The following SYT17 variants were observed in gnomAD, a reference collection of about 807,000 sequenced individuals.
SYT17 encodes the protein synaptotagmin-17.
Under a neutral mutation model 46.7 loss-of-function variants are expected in SYT17, and 22 were observed. The observed-to-expected ratio is 0.47, with a 90% CI of 0.34 to 0.67. The LOEUF (loss-of-function observed/expected upper bound fraction) is 0.67. Among genes scored for constraint, SYT17 ranks in the 30% least tolerant of loss-of-function variants. The pLI, the probability that SYT17 is intolerant of heterozygous loss-of-function variation, is 0.01. For synonymous variants in SYT17, 251 were observed against 248.4 expected, an observed-to-expected ratio of 1.01 and a Z score of -0.10; for missense variants, 519 against 612.8, an observed-to-expected ratio of 0.85 and a Z score of 1.62.
At chr16:19,224,955 C>T in intron 7 of SYT17, 117 bp downstream of exon 7, 4 of 1,206,098 alleles carry the variant, frequency 3.3e-6, no homozygotes, top group East Asian at 2.4e-5. Flanking sequence ...TGGCATTCAA[C>T]TACCTGGGTT....
At chr16:19,262,761 G>A (rs1296499209) in intron 7 of SYT17, among the ~76,000 whole-genome samples, 1 of 152,192 alleles carries the variant, frequency 6.6e-6, no homozygotes, top group Non-Finnish European at 1.5e-5. Context: ...GCTTGCAGAG[G>A]TCCAGCTAAT....
At chr16:19,222,805 G>A (rs552424827) in intron 5 of SYT17, among the ~76,000 whole-genome samples, 25 of 152,274 alleles carry the variant, frequency 1.6e-4, no homozygotes, top group African/African-American at 5.8e-4. Context: ...AAAAATTATT[G>A]CTGCTTTTGT....
intron 5 of SYT17, among the ~76,000 whole-genome samples, chr16:19,190,577 C>T (rs1964971441): frequency 6.6e-6 from 1 of 152,172 alleles, no homozygotes; most frequent in Non-Finnish European, 1.5e-5. Context: ...CTCCCTCTCC[C>T]CGCAGCCCCT....
intron 5 of SYT17, among the ~76,000 whole-genome samples, chr16:19,209,021 C>A (rs539753761): frequency 6.6e-6 from 1 of 151,298 alleles, no homozygotes; most frequent in East Asian, 1.9e-4. Context: ...ACACCCACCA[C>A]CACACCTGCC....
intron 5 of SYT17, among the ~76,000 whole-genome samples, chr16:19,215,904 A>G (rs1966078650): frequency 6.6e-6 from 1 of 152,170 alleles, no homozygotes; most frequent in African/African-American, 2.4e-5. Flanking sequence ...TCTTACATGG[A>G]TGGCAGCAGG....
chr16:19,250,525 A>G (rs1289254299), intron 7 of SYT17, among the ~76,000 whole-genome samples: 1 of 151,722 alleles, frequency 6.6e-6, no homozygotes, highest in Non-Finnish European at 1.5e-5. Flanking sequence ...CTCCAGGGGC[A>G]CCCCACTACA....
At chr16:19,173,106 G>A (rs1964167151) in intron 2 of SYT17, 1 of 551,044 alleles carries the variant, frequency 1.8e-6, no homozygotes, top group Non-Finnish European at 3.2e-6. Context: ...ATATCGTATA[G>A]CCCTTATGAT....
chr16:19,223,439 G>A (rs1334696480), intron 6 of SYT17, among the ~76,000 whole-genome samples: 2 of 152,192 alleles, frequency 1.3e-5, no homozygotes, highest in African/African-American at 4.8e-5. Flanking sequence ...CCTGCAGGTG[G>A]CGATAGTGTG....
At chr16:19,182,306 T>C (rs4780781) in intron 4 of SYT17, among the ~76,000 whole-genome samples, 20,189 of 151,658 alleles carry the variant, frequency 0.13, 1,711 homozygotes, top group East Asian at 0.21. Context: ...TCCCAGCTAC[T>C]TGAGAGGCTG....
intron 5 of SYT17, among the ~76,000 whole-genome samples, chr16:19,207,998 CA>C (rs1965738797): frequency 6.6e-6 from 1 of 152,082 alleles, no homozygotes; most frequent in Admixed American, 6.6e-5. Flanking sequence ...GATGAATGGC[CA>C]AACTTTAAGT....
chr16:19,181,308 G>T (rs556103478), intron 4 of SYT17, among the ~76,000 whole-genome samples: 4 of 152,298 alleles, frequency 2.6e-5, no homozygotes, highest in African/African-American at 9.6e-5. Flanking sequence ...AACACCCAGA[G>T]GCTCCCAACC....
At chr16:19,221,565 T>C (rs2142861362) in intron 5 of SYT17, among the ~76,000 whole-genome samples, 2 of 152,332 alleles carry the variant, frequency 1.3e-5, no homozygotes, top group Middle Eastern at 6.8e-3. Flanking sequence ...GTTTCTTGTT[T>C]GTTTGGGGAC....
At chr16:19,170,091 T>TC (rs1490522546) in intron 1 of SYT17, 3 of 152,192 alleles carry the variant, frequency 2.0e-5, no homozygotes, top group Admixed American at 6.5e-5. Context: ...TAGAACAAGG[T>TC]GTTAAACTTT....
intron 3 of SYT17, among the ~76,000 whole-genome samples, chr16:19,179,304 T>C (rs192231994): frequency 6.6e-6 from 1 of 152,080 alleles, no homozygotes; most frequent in Admixed American, 6.5e-5. Flanking sequence ...ATTTAAAAAA[T>C]TTTTTTGTAG....
chr16:19,222,981 G>A (rs893387845), intron 5 of SYT17, 64 bp from the exon 6 acceptor site: 1 of 1,597,206 alleles, frequency 6.3e-7, no homozygotes, highest in African/African-American at 1.3e-5. Context: ...TCAATTTCTT[G>A]TATGGTGGGT....
intron 4 of SYT17, among the ~76,000 whole-genome samples, chr16:19,181,063 T>G (rs185191835): frequency 6.6e-6 from 1 of 152,336 alleles, no homozygotes; most frequent in East Asian, 1.9e-4. Flanking sequence ...CCAGGGTGTC[T>G]GCTACTCAGC....
intron 7 of SYT17, among the ~76,000 whole-genome samples, chr16:19,250,242 ACT>A (rs1204625117): frequency 6.7e-6 from 1 of 150,136 alleles, no homozygotes; most frequent in Non-Finnish European, 1.5e-5. Context: ...CATCTATCCA[ACT>A]CTCTCTCTCG....
chr16:19,208,310 T>C (rs1965749433), intron 5 of SYT17, among the ~76,000 whole-genome samples: 1 of 152,156 alleles, frequency 6.6e-6, no homozygotes, highest in Non-Finnish European at 1.5e-5. Flanking sequence ...TATTAGTCCT[T>C]CACACTGCTA....
At chr16:19,217,732 A>G (rs1459506613) in intron 5 of SYT17, among the ~76,000 whole-genome samples, 2 of 152,330 alleles carry the variant, frequency 1.3e-5, no homozygotes, top group Admixed American at 6.5e-5. Flanking sequence ...CTGCTGGGTC[A>G]TACACCAACC....
Sources: gnomAD v4.1 joint callset for allele counts (sites outside exome capture counted in the v4.1 genomes callset) on GRCh38, gnomAD v4.1.1 for gene constraint, MANE v1.5 for transcripts, NCBI Gene and HGNC (gene_info 2026-07-23, HGNC 2026-07-21) for gene names.